The following KCNU1 variants were observed in gnomAD, a reference collection of about 807,000 sequenced individuals.
The protein encoded by KCNU1 is potassium calcium-activated channel subfamily U member 1, also known as potassium channel subfamily U member 1.
Under a neutral mutation model 126.8 loss-of-function variants are expected in KCNU1, and 93 were observed. The observed-to-expected ratio is 0.73, with a 90% confidence interval of 0.62 to 0.87. The LOEUF is 0.87. KCNU1 is among the 40% of genes least tolerant of loss of function. The probability of loss-of-function intolerance (pLI) is 0.00; values close to 1 mark genes in which losing one functional copy is unlikely to be tolerated. For missense variants in KCNU1, 1,330 were observed against 1,367.1 expected (o/e 0.97, Z 0.43); for synonymous variants, 523 against 494.2 (o/e 1.06, Z -0.77).
Position 36,836,962 on chromosome 8 carries a change from C to T in KCNU1, c.1518+17C>T. 1.2e-6 allele frequency: 2 copies of T among 1,612,844 alleles called. No homozygotes were observed. The highest frequency in any genetic ancestry group is 1.1e-5 in the South Asian group (1 of 91,020). On this transcript the variant is annotated intron_variant, in intron 14 of 26. Coordinates refer to ENST00000399881, the MANE Select transcript of KCNU1 (RefSeq NM_001031836.3). ...AACAAAAAGGTAACCTTGTAAATTA[C>T]TGTTGATTCTTGGCTCTGTTCCTAT... is the stretch of plus-strand genomic sequence containing the variant.
At chr8:36,840,357 T>C in intron 14 of KCNU1, 106 bp from the exon 15 acceptor site, 1 of 628,956 alleles carries the variant, frequency 1.6e-6, no homozygotes, top group Non-Finnish European at 2.9e-6. Flanking sequence ...TTTTATGACT[T>C]ACATGCAATG....
At position 36,850,823 on chromosome 8, in the gene KCNU1, T is replaced by C. The variant is rs1462540356; in HGVS notation, c.1891+4924T>C. Among the ~76,000 whole-genome samples, 3 of 152,200 alleles carry C rather than the reference T, an allele frequency of 2.0e-5. No individual in the cohort carries two copies. In the South Asian group the frequency reaches 6.2e-4, roughly 31 times the overall value. On this transcript the variant is annotated intron_variant, in intron 18 of 26. Transcript: ENST00000399881. ...AGAGGATCCAACTTTACTCTTTTCA[T>C]TGTGGCTATCCAGTTGTCCCAAAAT...
At position 36,814,384 on chromosome 8, in the gene KCNU1, A is replaced by C; in HGVS notation, c.903+7A>C. On this transcript the variant is annotated splice_region_variant and intron_variant, in intron 8 of 26. Coordinates refer to ENST00000399881, the MANE Select transcript of KCNU1 (RefSeq NM_001031836.3). ...CTTCACACTGGGGAGTTTGGTGAAGAATATTTTTAATATATTTTGAATATA... is the reference window on the plus strand; with the variant it reads ...CTTCACACTGGGGAGTTTGGTGAAGCATATTTTTAATATATTTTGAATATA... The C allele has an allele frequency of 6.4e-7, 1 of 1,571,440 alleles. No homozygotes were observed. Among genetic ancestry groups the C allele is most frequent in the Non-Finnish European group, 8.7e-7 (1 of 1,151,912 alleles).
At chr8:36,930,216 T>C (rs564970503) in intron 24 of KCNU1, among the ~76,000 whole-genome samples, 1 of 152,222 alleles carries the variant, frequency 6.6e-6, no homozygotes, top group East Asian at 1.9e-4. Context: ...CCATGTATGT[T>C]AATGCCTGGT....
intron 23 of KCNU1, among the ~76,000 whole-genome samples, chr8:36,922,127 A>T (rs1808371620): frequency 6.6e-6 from 1 of 152,018 alleles, no homozygotes; most frequent in South Asian, 2.1e-4. Context: ...GTTCCTATTT[A>T]TTCCTATGAT....
chr8:36,879,236 T>TATATATATATATATAC (rs1159310924), intron 19 of KCNU1, among the ~76,000 whole-genome samples: 4 of 143,568 alleles, frequency 2.8e-5, no homozygotes, highest in Non-Finnish European at 6.1e-5. Flanking sequence ...TATATATATA[T>TATATATATATATATAC]ATACACACAC....
intron 14 of KCNU1, 118 bp downstream of exon 14, chr8:36,837,063 TC>T: frequency 1.1e-6 from 1 of 883,134 alleles, no homozygotes; most frequent in Non-Finnish European, 1.8e-6. Flanking sequence ...AGATATGACT[TC>T]TGCTTGAGCT....
At chr8:36,792,738 A>G (rs1490113313) in intron 2 of KCNU1, among the ~76,000 whole-genome samples, 1 of 152,226 alleles carries the variant, frequency 6.6e-6, no homozygotes, top group East Asian at 1.9e-4. Flanking sequence ...GAGCTAAAAT[A>G]TAAGAATGTG....
chr8:36,884,457 C>T (rs756067292), intron 19 of KCNU1, among the ~76,000 whole-genome samples: 38 of 152,086 alleles, frequency 2.5e-4, no homozygotes, highest in Non-Finnish European at 5.3e-4. Flanking sequence ...AACCAGTAGC[C>T]GGGCGCGGTG....
chr8:36,873,592 G>C (rs1806179294), intron 19 of KCNU1, among the ~76,000 whole-genome samples: 1 of 152,124 alleles, frequency 6.6e-6, no homozygotes, highest in Admixed American at 6.6e-5. Context: ...TTAAGAAAAG[G>C]CACTTTTAAC....
intron 6 of KCNU1, 108 bp from the exon 7 acceptor site, chr8:36,808,610 C>T (rs1271482783): frequency 2.8e-6 from 2 of 706,932 alleles, no homozygotes; most frequent in Non-Finnish European, 5.0e-6. Context: ...AATGCCGTTC[C>T]TTCTGGTCCA....
intron 10 of KCNU1, among the ~76,000 whole-genome samples, chr8:36,831,020 G>A (rs1374722746): frequency 2.7e-5 from 4 of 149,850 alleles, no homozygotes; most frequent in Non-Finnish European, 4.4e-5. Flanking sequence ...TTGGTTTTTT[G>A]TTCTTGCGAT....
intron 24 of KCNU1, among the ~76,000 whole-genome samples, chr8:36,927,624 T>A (rs1374151229): frequency 2.0e-5 from 3 of 152,158 alleles, no homozygotes; most frequent in African/African-American, 7.2e-5. Context: ...AAAGAATGTT[T>A]GATCTTAAGG....
At chr8:36,921,419 A>ATTC (rs1563337649) in intron 23 of KCNU1, among the ~76,000 whole-genome samples, 1 of 152,084 alleles carries the variant, frequency 6.6e-6, no homozygotes, top group African/African-American at 2.4e-5. Context: ...TTGAAAGAAG[A>ATTC]TTCTAGAAAC....
At chr8:36,924,058 A>C (rs962271788) in intron 24 of KCNU1, among the ~76,000 whole-genome samples, 2 of 152,180 alleles carry the variant, frequency 1.3e-5, no homozygotes, top group Non-Finnish European at 2.9e-5. Flanking sequence ...AGCTTTGAAG[A>C]GGAACTTTTC....
chr8:36,901,928 T>C (rs927244671), intron 19 of KCNU1, among the ~76,000 whole-genome samples: 1 of 152,168 alleles, frequency 6.6e-6, no homozygotes. Flanking sequence ...TTTCCTGCTA[T>C]AGCATAACCT....
intron 18 of KCNU1, among the ~76,000 whole-genome samples, chr8:36,852,930 A>G (rs1012716178): frequency 6.6e-6 from 1 of 151,918 alleles, no homozygotes; most frequent in African/African-American, 2.4e-5. Flanking sequence ...TTTTCATTCT[A>G]ATTTTTATTA....
intron 1 of KCNU1, among the ~76,000 whole-genome samples, chr8:36,786,316 T>C (rs567734490): frequency 1.8e-4 from 27 of 152,338 alleles, no homozygotes; most frequent in Admixed American, 1.1e-3. Context: ...GAGTATTCTA[T>C]ATTAATGTCA....
chr8:36,856,352 G>A (rs1028620955), intron 18 of KCNU1, among the ~76,000 whole-genome samples: 5 of 152,046 alleles, frequency 3.3e-5, no homozygotes, highest in African/African-American at 1.2e-4. Context: ...ATGCTTTCCT[G>A]TTACTTTGCA....
Sources: allele counts gnomAD v4.1 joint callset (sites outside exome capture counted in the v4.1 genomes callset), GRCh38; gene constraint gnomAD v4.1.1; transcripts MANE v1.5; gene names NCBI Gene and HGNC (gene_info 2026-07-23, HGNC 2026-07-21).